DNAJC12: variants seen among roughly 807,000 people sequenced by gnomAD.
The protein encoded by DNAJC12 is DnaJ heat shock protein family (Hsp40) member C12.
Under a neutral mutation model 28.5 loss-of-function variants are expected in DNAJC12, and 25 were observed. The ratio of observed to expected loss-of-function variants is 0.88; its 90% CI spans 0.64 to 1.22. The LOEUF is 1.22. Ranked by LOEUF, DNAJC12 falls within the 50% of genes most tolerant of loss-of-function variation. DNAJC12 has a pLI of 0.00. For synonymous variants in DNAJC12, 77 were observed against 80.6 expected (o/e 0.95, Z 0.24); for missense variants, 222 against 231.7 (o/e 0.96, Z 0.27).
At chr10:67,819,218 A>AGCTACTC (rs1057273796) in intron 2 of DNAJC12, among the ~76,000 whole-genome samples, 9 of 152,090 alleles carry the variant, frequency 5.9e-5, no homozygotes, top group Non-Finnish European at 8.8e-5. Flanking sequence ...CTGTAGTCCC[A>AGCTACTC]GCTACTCGGG....
intron 2 of DNAJC12, among the ~76,000 whole-genome samples, chr10:67,816,607 A>G (rs986631679): frequency 4.0e-5 from 6 of 149,276 alleles, no homozygotes; most frequent in Non-Finnish European, 7.4e-5. Flanking sequence ...GCACTGTGAC[A>G]CAACCTCAGC....
chr10:67,806,720 G>T (rs1564858629), intron 3 of DNAJC12, among the ~76,000 whole-genome samples: 1 of 151,928 alleles, frequency 6.6e-6, no homozygotes, highest in African/African-American at 2.4e-5. Context: ...AGCTACTCAG[G>T]AGGCTGAGGC....
intron 1 of DNAJC12, among the ~76,000 whole-genome samples, chr10:67,831,847 G>A (rs1842096705): frequency 6.6e-6 from 1 of 152,196 alleles, no homozygotes. Flanking sequence ...ATCATAGACT[G>A]ACAGATGTTC....
intron 3 of DNAJC12, among the ~76,000 whole-genome samples, chr10:67,808,312 G>C (rs1841823806): frequency 6.6e-6 from 1 of 152,174 alleles, no homozygotes; most frequent in African/African-American, 2.4e-5. Flanking sequence ...TATATGCATG[G>C]AAGGAACTAA....
chr10:67,805,475 A>T, intron 4 of DNAJC12, 108 bp downstream of exon 4: 1 of 1,171,046 alleles, frequency 8.5e-7, no homozygotes, highest in Non-Finnish European at 1.2e-6. Flanking sequence ...ACCAATCTTT[A>T]AACTTGGCAC....
intron 4 of DNAJC12, among the ~76,000 whole-genome samples, chr10:67,801,690 T>C (rs1415592643): frequency 6.6e-6 from 1 of 150,978 alleles, no homozygotes; most frequent in Non-Finnish European, 1.5e-5. Context: ...CTTGGGAGGC[T>C]GAGGCAGGAG....
chr10:67,809,162 G>A (rs76144249), intron 3 of DNAJC12, among the ~76,000 whole-genome samples: 3,445 of 152,288 alleles, frequency 0.023, 140 homozygotes, highest in African/African-American at 0.079. Context: ...AACGGCTTAT[G>A]AGAATTTTTT....
intron 2 of DNAJC12, among the ~76,000 whole-genome samples, chr10:67,812,921 C>T (rs1202866186): frequency 6.6e-6 from 1 of 151,724 alleles, no homozygotes; most frequent in Non-Finnish European, 1.5e-5. Flanking sequence ...ACTCAGGAGC[C>T]TGAGGCAGGA....
At chr10:67,824,797 G>C (rs1436333337) in intron 1 of DNAJC12, among the ~76,000 whole-genome samples, 1 of 151,934 alleles carries the variant, frequency 6.6e-6, no homozygotes, top group East Asian at 1.9e-4. Flanking sequence ...GCAGTGGCGT[G>C]ATCTCCGCTC....
intron 4 of DNAJC12, among the ~76,000 whole-genome samples, chr10:67,798,175 T>C (rs1841698846): frequency 6.6e-6 from 1 of 152,174 alleles, no homozygotes; most frequent in South Asian, 2.1e-4. Flanking sequence ...TTATAAATTT[T>C]TTTTGCAAAC....
chr10:67,797,081 T>G lies in DNAJC12; in HGVS notation c.*35A>C, dbSNP rs570460627. ...TGCATGTTGGCAGCATAGGGGACAG[T>G]CTTGCTCTTCCTCATTTTTTGAAGC... On this transcript the variant is annotated 3_prime_UTR_variant, in exon 5 of 5. Coordinates refer to ENST00000225171, the MANE Select transcript of DNAJC12 (RefSeq NM_021800.3). 1.3e-6 allele frequency: 2 copies of G among 1,560,604 alleles called. No homozygotes were observed. Among genetic ancestry groups the G allele is most frequent in the African/African-American group, 2.7e-5 (2 of 73,782 alleles).
At chr10:67,816,082 C>A in intron 2 of DNAJC12, 1 of 398,494 alleles carries the variant, frequency 2.5e-6, no homozygotes, top group Admixed American at 4.4e-5. Flanking sequence ...CTTATAGGAG[C>A]AAATGATGCT....
chr10:67,800,881 T>C (rs1368248575), intron 4 of DNAJC12, among the ~76,000 whole-genome samples: 1 of 151,740 alleles, frequency 6.6e-6, no homozygotes, highest in Non-Finnish European at 1.5e-5. Context: ...AGGCAGAGGT[T>C]GCAGTGAGCC....
At chr10:67,797,907 G>A (rs1255789501) in intron 4 of DNAJC12, among the ~76,000 whole-genome samples, 2 of 152,008 alleles carry the variant, frequency 1.3e-5, no homozygotes, top group East Asian at 3.9e-4. Context: ...GGGCGTGGTG[G>A]CGGGCGCCTG....
chr10:67,800,645 G>A (rs991855426), intron 4 of DNAJC12, among the ~76,000 whole-genome samples: 8 of 152,124 alleles, frequency 5.3e-5, no homozygotes, highest in East Asian at 1.9e-4. Flanking sequence ...AAATCATTGC[G>A]TACATTTAAA....
intron 3 of DNAJC12, among the ~76,000 whole-genome samples, chr10:67,809,451 C>T (rs74445479): frequency 0.023 from 3,492 of 152,110 alleles, 145 homozygotes; most frequent in African/African-American, 0.08. Context: ...AAATTTAAAT[C>T]GCCAACATAT....
chr10:67,826,834 A>C (rs1288366349), intron 1 of DNAJC12, among the ~76,000 whole-genome samples: 17 of 130,726 alleles, frequency 1.3e-4, no homozygotes, highest in African/African-American at 4.3e-4. Flanking sequence ...TATCATATAT[A>C]AGATATCTAA....
At chr10:67,819,699 G>GAAA (rs1491448750) in intron 2 of DNAJC12, among the ~76,000 whole-genome samples, 1 of 24,662 alleles carries the variant, frequency 4.1e-5, no homozygotes, top group African/African-American at 1.2e-4. Flanking sequence ...AGAAAGAAAG[G>GAAA]AAGGAAGGAA....
intron 2 of DNAJC12, among the ~76,000 whole-genome samples, chr10:67,814,646 GA>G (rs1841896366): frequency 6.6e-6 from 1 of 152,072 alleles, no homozygotes; most frequent in Non-Finnish European, 1.5e-5. Context: ...AATTTATAGA[GA>G]ACATTTACAA....
Sources: allele counts gnomAD v4.1 joint callset (sites outside exome capture counted in the v4.1 genomes callset), GRCh38; gene constraint gnomAD v4.1.1; transcripts MANE v1.5; gene names NCBI Gene and HGNC (gene_info 2026-07-23, HGNC 2026-07-21).